The following PCNX2 variants were observed in gnomAD, a reference collection of about 807,000 sequenced individuals.
PCNX2 encodes pecanex 2.
Under a neutral mutation model 223.8 loss-of-function variants are expected in PCNX2, and 168 were observed. The observed-to-expected ratio is 0.75, with a 90% CI of 0.66 to 0.85. The LOEUF (loss-of-function observed/expected upper bound fraction) is 0.85, where lower values mean the gene tolerates loss of function less well. PCNX2 is among the 40% of genes least tolerant of loss of function. PCNX2 has a pLI of 0.00. For missense variants in PCNX2, 2,507 were observed against 2,675.5 expected (o/e 0.94, Z 1.39); for synonymous variants, 1,006 against 1,052.6 (o/e 0.96, Z 0.86).
At chr1:233,002,855 T>C (rs1670137527) in intron 28 of PCNX2, among the ~76,000 whole-genome samples, 1 of 152,090 alleles carries the variant, frequency 6.6e-6, no homozygotes, top group South Asian at 2.1e-4. Flanking sequence ...ATGCCACACA[T>C]TTACAACCAT....
chr1:233,183,307 C>T lies in PCNX2; in HGVS notation c.3067-4132G>A, dbSNP rs376646661. The stretch of plus-strand genomic sequence containing the variant: ...ACTTGTCTGCCTTCACATTAGACAC[C>T]GGACTCCCCAACAAGGGGCAACCTT... On this transcript the variant is annotated intron_variant, in intron 15 of 33. Coordinates refer to ENST00000258229, the MANE Select transcript of PCNX2 (RefSeq NM_014801.4). Among the ~76,000 whole-genome samples the T allele has an allele frequency of 2.6e-5, 4 of 152,204 alleles. No homozygotes were observed. The East Asian group carries it at 5.8e-4, about 22-fold the overall frequency.
chr1:233,319,958 G>A, the PCNX2 span, among the ~76,000 whole-genome samples: 1 of 152,112 alleles, frequency 6.6e-6, no homozygotes, highest in South Asian at 2.1e-4. Flanking sequence ...GACTGGTATT[G>A]TTTCATATGT....
At chr1:233,107,741 A>T (rs1481063530) in intron 21 of PCNX2, among the ~76,000 whole-genome samples, 2 of 152,158 alleles carry the variant, frequency 1.3e-5, no homozygotes, top group African/African-American at 4.8e-5. Context: ...GTTGTAGAGC[A>T]GACAGCTCTC....
At chr1:233,019,938 AAAGGG>A (rs1400348094) in intron 26 of PCNX2, among the ~76,000 whole-genome samples, 2 of 152,214 alleles carry the variant, frequency 1.3e-5, no homozygotes, top group Non-Finnish European at 2.9e-5. Flanking sequence ...TGAGCGTTAC[AAAGGG>A]AAGAAAGAAA....
intron 7 of PCNX2, 49 bp downstream of exon 7, chr1:233,252,305 C>A: frequency 6.4e-7 from 1 of 1,560,704 alleles, no homozygotes; most frequent in Non-Finnish European, 8.7e-7. Context: ...CCTGAGAAAG[C>A]TGACAGTTTT....
At chr1:233,032,891 G>T in intron 25 of PCNX2, 1 of 763,358 alleles carries the variant, frequency 1.3e-6, no homozygotes. Context: ...GCTCTTAGGA[G>T]TGAAAGAGTC....
chr1:233,214,556 C>T lies in PCNX2; in HGVS notation c.2691+3343G>A, dbSNP rs189734103. 1.8e-3 allele frequency among the ~76,000 whole-genome samples: 273 copies of T among 152,268 alleles called. 1 individual carries two copies. The highest frequency in any genetic ancestry group is 6.0e-3 in the African/African-American group (250 of 41,542). On this transcript the variant is annotated intron_variant, in intron 12 of 33. Transcript: ENST00000258229. ...TGCCTCTGGCTTGCTCAGGCGATTC[C>T]GGGCACACTGCTCTAGTTTTTCACT...
intron 13 of PCNX2, among the ~76,000 whole-genome samples, chr1:233,201,294 G>C (rs1465137932): frequency 6.6e-6 from 1 of 151,914 alleles, no homozygotes; most frequent in African/African-American, 2.4e-5. Context: ...GATAATTTTT[G>C]TGCCAAGATT....
At chr1:233,087,255 G>C in intron 23 of PCNX2, 2 of 969,892 alleles carry the variant, frequency 2.1e-6, no homozygotes, top group Non-Finnish European at 2.5e-6. Context: ...GAAAGTGAGG[G>C]AGCAGAGGTG....
intron 19 of PCNX2, among the ~76,000 whole-genome samples, chr1:233,154,067 G>A (rs952998637): frequency 2.0e-5 from 3 of 151,950 alleles, no homozygotes; most frequent in Admixed American, 6.6e-5. Context: ...TAATTGATGT[G>A]TTTTTTTGTT....
intron 15 of PCNX2, 138 bp from the exon 16 acceptor site, chr1:233,179,313 A>G: frequency 3.4e-6 from 3 of 889,754 alleles, no homozygotes; most frequent in South Asian, 1.7e-5. Context: ...CCACGGACAT[A>G]TAAGCATCTG....
chr1:233,298,413 G>T (rs1424259718), upstream of PCNX2, among the ~76,000 whole-genome samples: 1 of 152,212 alleles, frequency 6.6e-6, no homozygotes, highest in Non-Finnish European at 1.5e-5. Flanking sequence ...AGATGATAAA[G>T]TGGGCAGGTG....
intron 10 of PCNX2, among the ~76,000 whole-genome samples, chr1:233,223,103 A>C (rs1657488937): frequency 6.6e-6 from 1 of 152,150 alleles, no homozygotes; most frequent in African/African-American, 2.4e-5. Flanking sequence ...AAAACCTGTA[A>C]ATCTTCCCTT....
rs1379349474 is a variant in PCNX2 at position 233,095,842 on chromosome 1, A to G, written c.3859T>C (p.Leu1287=). 6.2e-6 allele frequency: 10 copies of G among 1,611,344 alleles called. No homozygotes were observed. In the Admixed American group the frequency reaches 1.7e-4, roughly 27 times the overall value. The change falls in exon 22 of 34, where the codon TTA becomes CTA. Residue 1287 remains leucine (L), a synonymous_variant. Transcript: ENST00000258229. ...GCCACATATGTCAGGACGAACTGTA[A>G]CTTGTGAAGCAGGTCCCCGAGCTGA... ...FSKLGDLLHK[L]QFVLTYVAPW... is the part of the protein sequence containing the mutation.
Position 233,208,501 on chromosome 1 carries a change from C to A in PCNX2, c.2863+17G>T, listed in dbSNP as rs1482199042. The stretch of plus-strand genomic sequence containing the variant: ...CCAACCCCCATATTCTTCCCCACAA[C>A]CCCATAATTAACTCACCTATTAAGT... On this transcript the variant is annotated intron_variant, in intron 13 of 33. Coordinates refer to ENST00000258229, the MANE Select transcript of PCNX2 (RefSeq NM_014801.4). 2 of 1,602,620 alleles carry A rather than the reference C, an allele frequency of 1.2e-6. No individual in the cohort carries two copies. Among genetic ancestry groups the A allele is most frequent in the Non-Finnish European group, 1.7e-6 (2 of 1,171,324 alleles).
chr1:233,192,982 ATTAT>A (rs1445009817), intron 15 of PCNX2, among the ~76,000 whole-genome samples: 5 of 148,038 alleles, frequency 3.4e-5, no homozygotes, highest in South Asian at 2.1e-4. Context: ...ATTTGCATTT[ATTAT>A]TTAGACTTAT....
chr1:233,316,695 AC>A, the PCNX2 span, among the ~76,000 whole-genome samples: 1 of 151,920 alleles, frequency 6.6e-6, no homozygotes, highest in South Asian at 2.1e-4. Context: ...TGCTTGCCAA[AC>A]CCCTCCTGTC....
intron 7 of PCNX2, among the ~76,000 whole-genome samples, chr1:233,251,693 A>C (rs1659461730): frequency 6.6e-6 from 1 of 152,250 alleles, no homozygotes; most frequent in Non-Finnish European, 1.5e-5. Flanking sequence ...ACTCCAGATA[A>C]AGTAACCATA....
intron 23 of PCNX2, among the ~76,000 whole-genome samples, chr1:233,061,885 A>G (rs1672420350): frequency 6.6e-6 from 1 of 152,024 alleles, no homozygotes; most frequent in Admixed American, 6.5e-5. Flanking sequence ...CAGCCTCCCG[A>G]GTAGCTGGGA....
Sources: gnomAD v4.1 joint callset for allele counts (sites outside exome capture counted in the v4.1 genomes callset) on GRCh38, gnomAD v4.1.1 for gene constraint, MANE v1.5 for transcripts, NCBI Gene and HGNC (gene_info 2026-07-23, HGNC 2026-07-21) for gene names.